The following OLA1 variants were observed in gnomAD, a reference collection of about 807,000 sequenced individuals.
The protein encoded by OLA1 is Obg like ATPase 1.
Under a neutral mutation model 48.4 loss-of-function variants are expected in OLA1, and 14 were observed. The observed-to-expected ratio is 0.29, with a 90% CI of 0.19 to 0.45. The LOEUF (loss-of-function observed/expected upper bound fraction) is 0.45, where lower values mean the gene tolerates loss of function less well. OLA1 is among the 20% of genes least tolerant of loss of function. The pLI is 1.00. For missense variants in OLA1, 325 were observed against 467.1 expected (o/e 0.70, Z 2.80); for synonymous variants, 127 against 150.4 (o/e 0.84, Z 1.14).
intron 7 of OLA1, among the ~76,000 whole-genome samples, chr2:174,104,164 A>C (rs770029146): frequency 3.5e-4 from 52 of 150,610 alleles, no homozygotes; most frequent in Non-Finnish European, 5.6e-4. Context: ...AAAAAAAAAA[A>C]CACAACACTA....
chr2:174,156,948 C>T (rs1053883936), intron 4 of OLA1, among the ~76,000 whole-genome samples: 2 of 150,494 alleles, frequency 1.3e-5, no homozygotes, highest in Non-Finnish European at 2.9e-5. Context: ...TGGAGAGAGA[C>T]TGATGGTCAC....
intron 4 of OLA1, among the ~76,000 whole-genome samples, chr2:174,173,821 A>AT (rs1220272233): frequency 2.0e-5 from 3 of 152,060 alleles, no homozygotes; most frequent in Non-Finnish European, 4.4e-5. Flanking sequence ...AAGAGGAGAC[A>AT]TTATAGGTCC....
At chr2:174,091,778 C>A (rs1231325167) in intron 7 of OLA1, among the ~76,000 whole-genome samples, 1 of 141,146 alleles carries the variant, frequency 7.1e-6, no homozygotes, top group Non-Finnish European at 1.5e-5. Context: ...GAGGCTGAGG[C>A]AGGAGAATCG....
chr2:174,144,940 AAAAAAAAAAAAATATATATATAT>A lies in OLA1; in HGVS notation c.374-2963_374-2941del, dbSNP rs1558975020. Reference sequence around the variant, plus strand: ...GAGTAAGACCCTGTTTAAAAAAAAAAAAAAAAAAAAAATATATATATATATATATATATATATATATAATCACG... The same window carrying A: ...GAGTAAGACCCTGTTTAAAAAAAAAAATATATATATATATATATAATCACG... On this transcript the variant is annotated intron_variant, in intron 4 of 10. Transcript: ENST00000284719. Among the ~76,000 whole-genome samples, 10 of 68,190 alleles carry A rather than the reference AAAAAAAAAAAAATATATATATAT, an allele frequency of 1.5e-4. No homozygotes were observed. In the South Asian group the frequency reaches 5.0e-3, roughly 34 times the overall value. The allele number at this position is 68,190 out of a possible 152,430, so 44.7% of individuals were successfully genotyped here. A position where few individuals can be genotyped will look rare whatever the true frequency, so the allele number is the denominator to read the frequency against.
At chr2:174,077,106 A>G (rs1684757718) in intron 10 of OLA1, among the ~76,000 whole-genome samples, 1 of 152,092 alleles carries the variant, frequency 6.6e-6, no homozygotes, top group Non-Finnish European at 1.5e-5. Context: ...ATCAATACCC[A>G]TTTGTGAATC....
At chr2:174,246,423 G>A (rs1432887600) in intron 2 of OLA1, among the ~76,000 whole-genome samples, 1 of 152,090 alleles carries the variant, frequency 6.6e-6, no homozygotes. Context: ...ATTCAAAACT[G>A]TCACCTCCTT....
intron 7 of OLA1, among the ~76,000 whole-genome samples, chr2:174,109,165 G>A (rs1167573738): frequency 6.6e-6 from 1 of 152,184 alleles, no homozygotes; most frequent in African/African-American, 2.4e-5. Flanking sequence ...TACATAGTAA[G>A]AAAGTAGGTA....
chr2:174,125,660 T>C (rs1260446906), intron 5 of OLA1, among the ~76,000 whole-genome samples: 1 of 152,244 alleles, frequency 6.6e-6, no homozygotes, highest in Non-Finnish European at 1.5e-5. Flanking sequence ...GGAATTTCAG[T>C]ATTTCTCTTT....
At position 174,074,392 on chromosome 2, in the gene OLA1, C is replaced by G. The variant is rs1684676741; in HGVS notation, c.*1034G>C. 1 of 152,196 alleles carries G rather than the reference C, an allele frequency of 6.6e-6. No individual in the cohort carries two copies. Among genetic ancestry groups the G allele is most frequent in the Non-Finnish European group, 1.5e-5 (1 of 68,040 alleles). The allele number at this position is 152,196 out of a possible 1,614,324, so 9.4% of individuals were successfully genotyped here. The stretch of plus-strand genomic sequence containing the variant: ...AGGGTCTCCAAATTACCAATTTGTT[C>G]TAGTCTTTCTTTTGGAATTTTCTGC... On this transcript the variant is annotated 3_prime_UTR_variant, in exon 11 of 11. Coordinates refer to ENST00000284719, the MANE Select transcript of OLA1 (RefSeq NM_013341.5).
At position 174,073,942 on chromosome 2, in the gene OLA1, C is replaced by G. The variant is rs1406966523; in HGVS notation, c.*1484G>C. On this transcript the variant is annotated 3_prime_UTR_variant, in exon 11 of 11. Transcript: ENST00000284719. ...TCTTATTTCTCTGCTGTAGTTTACTCATTTTTATGTTAGCAAAAGAAGATC... is the reference window on the plus strand; with the variant it reads ...TCTTATTTCTCTGCTGTAGTTTACTGATTTTTATGTTAGCAAAAGAAGATC... The G allele has an allele frequency of 6.6e-6, 1 of 152,170 alleles. No individual in the cohort carries two copies. Among genetic ancestry groups the G allele is most frequent in the East Asian group, 1.9e-4 (1 of 5,200 alleles). 9.4% of individuals were successfully genotyped at this position (152,170 alleles called of 1,614,324 possible). A position where few individuals can be genotyped will look rare whatever the true frequency, so the allele number is the denominator to read the frequency against.
At chr2:174,207,606 G>A (rs778376710) in intron 4 of OLA1, among the ~76,000 whole-genome samples, 9 of 152,100 alleles carry the variant, frequency 5.9e-5, no homozygotes, top group Non-Finnish European at 1.0e-4. Context: ...GGAGATGGGG[G>A]CAAGAGATGG....
intron 2 of OLA1, among the ~76,000 whole-genome samples, chr2:174,232,573 T>C (rs1688754127): frequency 6.6e-6 from 1 of 152,170 alleles, no homozygotes; most frequent in Non-Finnish European, 1.5e-5. Flanking sequence ...ACAGATTATT[T>C]CTCCAAAGAG....
intron 4 of OLA1, among the ~76,000 whole-genome samples, chr2:174,215,672 T>G (rs911135702): frequency 6.6e-6 from 1 of 152,206 alleles, no homozygotes; most frequent in Non-Finnish European, 1.5e-5. Context: ...AGTTAAAATT[T>G]ATCAAAACTT....
chr2:174,083,732 T>C (rs1045882215), intron 7 of OLA1, among the ~76,000 whole-genome samples: 1 of 152,170 alleles, frequency 6.6e-6, no homozygotes, highest in Admixed American at 6.5e-5. Context: ...ACTTTCATTA[T>C]ACAAGTTAAA....
At chr2:174,211,180 A>AACACACAC (rs10563036) in intron 4 of OLA1, among the ~76,000 whole-genome samples, 18,536 of 148,372 alleles carry the variant, frequency 0.12, 1,517 homozygotes, top group Non-Finnish European at 0.19. Flanking sequence ...TCCTCCCCAC[A>AACACACAC]ACACACACAC....
At chr2:174,082,207 A>G in intron 7 of OLA1, 143 bp from the exon 8 acceptor site, 2 of 849,672 alleles carry the variant, frequency 2.4e-6, no homozygotes, top group Non-Finnish European at 3.7e-6. Flanking sequence ...TTCCAAGGTC[A>G]AGGCATTAAC....
At chr2:174,185,514 A>ATT (rs920822292) in intron 4 of OLA1, among the ~76,000 whole-genome samples, 5 of 151,462 alleles carry the variant, frequency 3.3e-5, no homozygotes, top group Non-Finnish European at 4.4e-5. Context: ...TCCTATGAGC[A>ATT]TTTTTTTTTA....
At chr2:174,112,015 A>C (rs1309559058) in intron 7 of OLA1, among the ~76,000 whole-genome samples, 1 of 152,168 alleles carries the variant, frequency 6.6e-6, no homozygotes, top group Non-Finnish European at 1.5e-5. Flanking sequence ...AAAAAATACC[A>C]CTCTCAGTTG....
intron 4 of OLA1, among the ~76,000 whole-genome samples, chr2:174,211,469 A>C (rs1688242551): frequency 6.6e-6 from 1 of 152,200 alleles, no homozygotes; most frequent in South Asian, 2.1e-4. Context: ...ATTCTAAGCC[A>C]AAATCATCCT....
Sources: allele counts gnomAD v4.1 joint callset (sites outside exome capture counted in the v4.1 genomes callset), GRCh38; gene constraint gnomAD v4.1.1; transcripts MANE v1.5; gene names NCBI Gene and HGNC (gene_info 2026-07-23, HGNC 2026-07-21).